MYLK4: variants seen among roughly 807,000 people sequenced by gnomAD.
MYLK4 encodes the protein caMLCK like.
MYLK4 carries 46 observed loss-of-function variants against 48.1 expected under a neutral mutation model. The ratio of observed to expected loss-of-function variants is 0.96; its 90% CI spans 0.75 to 1.22. MYLK4 has a LOEUF of 1.22. Among genes scored for constraint, MYLK4 ranks in the 50% most tolerant of loss-of-function variants. The pLI is 0.00. For synonymous variants in MYLK4, 170 were observed against 180.8 expected (o/e 0.94, Z 0.48); for missense variants, 451 against 486.1 (o/e 0.93, Z 0.68).
the MYLK4 span, chr6:2,769,030 C>T: frequency 4.2e-6 from 3 of 715,324 alleles, no homozygotes; most frequent in Non-Finnish European, 6.4e-6. Context: ...GCCTATTTCT[C>T]CATACATTTC....
In MYLK4 at chr6:2,678,230, T is replaced by A. The variant is rs775796428; in HGVS notation, c.1030A>T (p.Lys344Ter). 30 of 1,613,968 alleles carry A rather than the reference T, an allele frequency of 1.9e-5. No homozygotes were observed. Among genetic ancestry groups the A allele is most frequent in the Non-Finnish European group, 5.9e-6 (7 of 1,180,002 alleles). Reference protein sequence around the residue: ...AKEFISKLLIKEKSWRISASE... With the variant: ...AKEFISKLLI ...ACGAACTTGCGTTACCTCTTCTCCT[T>A]AATCAGAAGCTTAGAGATGAACTCC... Residue 344 changes from lysine to a stop codon, truncating the protein, a stop_gained, in exon 10 of 13, where the codon AAG (lysine) becomes TAG (stop). Coordinates refer to ENST00000274643, the MANE Select transcript of MYLK4 (RefSeq NM_001012418.5). LOFTEE classifies it high-confidence loss of function.
intron 10 of MYLK4, 65 bp from the exon 11 acceptor site, chr6:2,675,190 A>G: frequency 6.7e-6 from 8 of 1,185,544 alleles, no homozygotes; most frequent in Non-Finnish European, 1.0e-5. Flanking sequence ...CTGCTGTTCA[A>G]TCTCAACTCC....
chr6:2,767,853 T>G, the MYLK4 span, among the ~76,000 whole-genome samples: 1 of 152,184 alleles, frequency 6.6e-6, no homozygotes, highest in African/African-American at 2.4e-5. Context: ...CATCTGTGAC[T>G]TGCGAGCCTG....
At chr6:2,683,382 C>T (rs1379708876) in intron 6 of MYLK4, among the ~76,000 whole-genome samples, 1 of 124,772 alleles carries the variant, frequency 8.0e-6, no homozygotes, top group African/African-American at 3.0e-5. Context: ...AAGCCAACTC[C>T]CCACCTTTTT....
chr6:2,688,724 T>C (rs1454050592), intron 4 of MYLK4, 127 bp downstream of exon 4: 2 of 757,160 alleles, frequency 2.6e-6, no homozygotes, highest in East Asian at 5.1e-5. Flanking sequence ...TCAGAAATGG[T>C]TACTGTTTCT....
intron 2 of MYLK4, among the ~76,000 whole-genome samples, chr6:2,726,778 A>G (rs9503287): frequency 0.18 from 27,865 of 151,750 alleles, 2,624 homozygotes; most frequent in Admixed American, 0.22. Context: ...ATGCCAGGCT[A>G]ATTTTTTTAT....
At chr6:2,760,064 A>G in the MYLK4 span, among the ~76,000 whole-genome samples, 1 of 152,368 alleles carries the variant, frequency 6.6e-6, no homozygotes, top group East Asian at 1.9e-4. Context: ...ATAGCTATTT[A>G]TATAGCATTT....
chr6:2,765,406 C>A, the MYLK4 span: 1 of 432,788 alleles, frequency 2.3e-6, no homozygotes, highest in Non-Finnish European at 3.6e-6. Context: ...CTTCCCGACA[C>A]GCCGCGTGAG....
intron 2 of MYLK4, among the ~76,000 whole-genome samples, chr6:2,701,150 G>A (rs554083304): frequency 6.6e-6 from 1 of 152,004 alleles, no homozygotes; most frequent in Non-Finnish European, 1.5e-5. Context: ...GAATGTTTTC[G>A]CATGAAGTTT....
chr6:2,752,578 G>T (rs773667319), upstream of MYLK4, among the ~76,000 whole-genome samples: 1 of 152,152 alleles, frequency 6.6e-6, no homozygotes, highest in Non-Finnish European at 1.5e-5. Context: ...GATGGAGACG[G>T]CTGTGGGAAG....
At chr6:2,766,899 C>T in the MYLK4 span, among the ~76,000 whole-genome samples, 84 of 152,178 alleles carry the variant, frequency 5.5e-4, no homozygotes, top group Admixed American at 5.2e-3. Context: ...TGTTGTGCTT[C>T]CTTCCTTTTC....
intron 2 of MYLK4, among the ~76,000 whole-genome samples, chr6:2,738,782 AAAT>A (rs1213164015): frequency 2.6e-5 from 4 of 152,378 alleles, no homozygotes; most frequent in Non-Finnish European, 5.9e-5. Flanking sequence ...GCTTGTTTTC[AAAT>A]AATGTTTCAT....
At chr6:2,765,035 C>T in the MYLK4 span, among the ~76,000 whole-genome samples, 6 of 152,156 alleles carry the variant, frequency 3.9e-5, no homozygotes, top group Non-Finnish European at 7.4e-5. Context: ...CAGCCCAGCA[C>T]GGAAGGCCGG....
Position 2,688,919 on chromosome 6 carries a change from A to G in MYLK4, c.273T>C (p.Arg91=), listed in dbSNP as rs1254798433. The G allele has an allele frequency of 6.2e-7, 1 of 1,614,206 alleles. No homozygotes were observed. The highest frequency in any genetic ancestry group is 8.5e-7 in the Non-Finnish European group (1 of 1,180,022). The change falls in exon 4 of 13, where the codon CGT becomes CGC. Residue 91 remains arginine, a synonymous_variant. Transcript: ENST00000274643. The part of the protein sequence containing the change: ...IPAPPAPFDH[R]IVTAKQGAVN... ...CCGCTCCTTGCTTGGCTGTCACAATACGATGATCAAATGGGGCCGGAGGAG... is the reference window on the plus strand; with the variant it reads ...CCGCTCCTTGCTTGGCTGTCACAATGCGATGATCAAATGGGGCCGGAGGAG...
intron 2 of MYLK4, among the ~76,000 whole-genome samples, chr6:2,741,931 G>A (rs1272532620): frequency 6.6e-6 from 1 of 152,146 alleles, no homozygotes; most frequent in Non-Finnish European, 1.5e-5. Context: ...TTTCCCATAG[G>A]AGAAATGTAG....
intron 2 of MYLK4, among the ~76,000 whole-genome samples, chr6:2,695,379 T>G (rs77781637): frequency 6.6e-6 from 1 of 152,136 alleles, no homozygotes; most frequent in African/African-American, 2.4e-5. Flanking sequence ...TAAGACTCCA[T>G]GGAGCACTGA....
At chr6:2,691,374 A>T (rs1761790918) in intron 3 of MYLK4, among the ~76,000 whole-genome samples, 1 of 152,222 alleles carries the variant, frequency 6.6e-6, no homozygotes, top group Non-Finnish European at 1.5e-5. Context: ...AAAAGACCAC[A>T]CAAGTGGTTT....
intron 2 of MYLK4, among the ~76,000 whole-genome samples, chr6:2,737,264 G>C (rs1427617865): frequency 6.6e-6 from 1 of 152,378 alleles, no homozygotes; most frequent in East Asian, 1.9e-4. Context: ...AGTGAGCCGA[G>C]ATCGTGCCAC....
chr6:2,710,230 A>C (rs1762625408), intron 2 of MYLK4, among the ~76,000 whole-genome samples: 1 of 152,184 alleles, frequency 6.6e-6, no homozygotes, highest in Admixed American at 6.5e-5. Context: ...TAAACATAGA[A>C]ATTGATCCCC....
Sources: gnomAD v4.1 joint callset for allele counts (sites outside exome capture counted in the v4.1 genomes callset) on GRCh38, gnomAD v4.1.1 for gene constraint, MANE v1.5 for transcripts, NCBI Gene and HGNC (gene_info 2026-07-23, HGNC 2026-07-21) for gene names.